Variants in ANKRD60 observed in about 807,000 individuals in gnomAD.
The protein encoded by ANKRD60 is ankyrin repeat domain 60.
In ANKRD60, 24 loss-of-function variants were observed where a neutral mutation model predicts 21.3. The observed-to-expected ratio is 1.13, with a 90% CI of 0.82 to 1.59. The LOEUF (loss-of-function observed/expected upper bound fraction) is 1.59. Ranked by LOEUF, ANKRD60 falls within the 40% of genes most tolerant of loss-of-function variation. The pLI, the probability that ANKRD60 is intolerant of heterozygous loss-of-function variation, is 0.00. For synonymous variants in ANKRD60, 182 were observed against 199.4 expected (o/e 0.91, Z 0.74); for missense variants, 490 against 466.7 (o/e 1.05, Z -0.46).
chr20:58,227,412 G>A (rs1422148115), intron 1 of ANKRD60, among the ~76,000 whole-genome samples: 1 of 152,116 alleles, frequency 6.6e-6, no homozygotes, highest in Non-Finnish European at 1.5e-5. Context: ...AAAATCTGGG[G>A]TTCTGAGGTA....
chr20:58,225,225 T>C (rs1984341675), intron 1 of ANKRD60, among the ~76,000 whole-genome samples: 1 of 152,174 alleles, frequency 6.6e-6, no homozygotes, highest in African/African-American at 2.4e-5. Context: ...CTCTTAGCTC[T>C]CTTGGATTAA....
chr20:58,226,351 AGTAGT>A (rs1984363502), intron 1 of ANKRD60, among the ~76,000 whole-genome samples: 1 of 151,992 alleles, frequency 6.6e-6, no homozygotes, highest in African/African-American at 2.4e-5. Flanking sequence ...TGTAGCCCCG[AGTAGT>A]GTAGCATTTG....
downstream of ANKRD60, among the ~76,000 whole-genome samples, chr20:58,217,401 CCTGGGCAATAGAG>C (rs1984157611): frequency 6.6e-6 from 1 of 151,846 alleles, no homozygotes; most frequent in East Asian, 1.9e-4. Flanking sequence ...TGCACTCCAG[CCTGGGCAATAGAG>C]CAAGACTCTG....
intron 1 of ANKRD60, among the ~76,000 whole-genome samples, chr20:58,227,372 T>A (rs560552370): frequency 6.6e-6 from 1 of 152,148 alleles, no homozygotes; most frequent in African/African-American, 2.4e-5. Flanking sequence ...TTGTTTTGAT[T>A]TGGCATCCTT....
downstream of ANKRD60, among the ~76,000 whole-genome samples, chr20:58,217,199 G>C (rs986510091): frequency 6.6e-6 from 1 of 150,852 alleles, no homozygotes; most frequent in Non-Finnish European, 1.5e-5. Context: ...GGGAGGCCGA[G>C]GGGGGCAGAT....
chr20:58,218,467 C>T (rs1388988135), downstream of ANKRD60: 1 of 1,533,022 alleles, frequency 6.5e-7, no homozygotes, highest in Admixed American at 2.0e-5. Flanking sequence ...CCAAACCAGC[C>T]TCAGCGGGCA....
intron 1 of ANKRD60, among the ~76,000 whole-genome samples, chr20:58,225,814 G>A (rs936424030): frequency 3.9e-5 from 6 of 152,304 alleles, no homozygotes; most frequent in East Asian, 3.9e-4. Flanking sequence ...AGTGTGTTGC[G>A]TTGATTTCAA....
At chr20:58,225,839 G>A (rs1984353782) in intron 1 of ANKRD60, among the ~76,000 whole-genome samples, 1 of 152,218 alleles carries the variant, frequency 6.6e-6, no homozygotes, top group African/African-American at 2.4e-5. Context: ...GTGGGGAGAT[G>A]ATGGAGCCCA....
exon 3 of ANKRD60, chr20:58,221,432 C>G (rs367926892): frequency 9.0e-6 from 14 of 1,552,262 alleles, no homozygotes; most frequent in Non-Finnish European, 1.2e-5. Flanking sequence ...AGTGCTTCCA[C>G]TTCTCACCCT....
At chr20:58,218,668 G>T in exon 4 of ANKRD60, 1 of 1,551,756 alleles carries the variant, frequency 6.4e-7, no homozygotes, top group Non-Finnish European at 8.7e-7. Context: ...ATGGAGATGG[G>T]GGTCTCCCCC....
chr20:58,218,367 T>A, downstream of ANKRD60: 1 of 911,338 alleles, frequency 1.1e-6, no homozygotes, highest in Non-Finnish European at 1.6e-6. Flanking sequence ...ACAGGACAGA[T>A]AATTTCGTAT....
intron 1 of ANKRD60, among the ~76,000 whole-genome samples, chr20:58,224,841 T>C (rs1038216088): frequency 6.6e-6 from 1 of 152,208 alleles, no homozygotes; most frequent in African/African-American, 2.4e-5. Flanking sequence ...GCCACTGCCT[T>C]GGACTTAGAC....
intron 2 of ANKRD60, 78 bp from the exon 3 acceptor site, chr20:58,221,581 A>T (rs1984254846): frequency 2.1e-6 from 3 of 1,448,556 alleles, no homozygotes; most frequent in Admixed American, 4.1e-5. Flanking sequence ...GGGCATGCTC[A>T]GGGGAAGGCT....
downstream of ANKRD60, among the ~76,000 whole-genome samples, chr20:58,216,702 C>T (rs1984143907): frequency 6.6e-6 from 1 of 152,226 alleles, no homozygotes; most frequent in African/African-American, 2.4e-5. Flanking sequence ...ACAGATCTTA[C>T]TTGCTATGAC....
chr20:58,224,021 G>A (rs1984317113), intron 1 of ANKRD60, among the ~76,000 whole-genome samples: 1 of 152,160 alleles, frequency 6.6e-6, no homozygotes, highest in Non-Finnish European at 1.5e-5. Context: ...AGGATCACCT[G>A]AGCCTAGGAG....
chr20:58,223,452 G>A (rs1179136849), intron 1 of ANKRD60, among the ~76,000 whole-genome samples: 5 of 152,166 alleles, frequency 3.3e-5, no homozygotes, highest in African/African-American at 4.8e-5. Flanking sequence ...GTCCTATTGT[G>A]AAAAGGCACA....
At chr20:58,217,831 T>C (rs776615612), downstream of ANKRD60, among the ~76,000 whole-genome samples, 62 of 152,202 alleles carry the variant, frequency 4.1e-4, 1 homozygote, top group Non-Finnish European at 8.4e-4. Context: ...AGAGAAAATG[T>C]GACCAGCCTG....
At chr20:58,223,274 G>T in intron 1 of ANKRD60, 92 bp from the exon 2 acceptor site, 1 of 1,074,106 alleles carries the variant, frequency 9.3e-7, no homozygotes. Flanking sequence ...GACCTTGAGT[G>T]CCACAAAGAT....
At chr20:58,218,746 T>G in exon 4 of ANKRD60, 1 of 1,551,482 alleles carries the variant, frequency 6.4e-7, no homozygotes, top group Non-Finnish European at 8.7e-7. Context: ...GACCGGCCCA[T>G]AGCTGCAGCC....
Sources: allele counts gnomAD v4.1 joint callset (sites outside exome capture counted in the v4.1 genomes callset), GRCh38; gene constraint gnomAD v4.1.1; transcripts MANE v1.5; gene names NCBI Gene and HGNC (gene_info 2026-07-23, HGNC 2026-07-21).